CHD7: variants seen among roughly 807,000 people sequenced by gnomAD.
CHD7 encodes chromodomain helicase DNA binding protein 7, also known as ATP-dependent chromatin remodeler CHD7.
CHD7 carries 24 observed loss-of-function variants against 307.3 expected under a neutral mutation model. The observed-to-expected ratio is 0.08, with a 90% CI of 0.06 to 0.11. The LOEUF (loss-of-function observed/expected upper bound fraction) is 0.11. Ranked by LOEUF, CHD7 falls within the 10% of genes least tolerant of loss-of-function variation. The probability of loss-of-function intolerance (pLI) is 1.00; values close to 1 mark genes in which losing one functional copy is unlikely to be tolerated. For synonymous variants in CHD7, 1,363 were observed against 1,349.9 expected, an observed-to-expected ratio of 1.01 and a Z score of -0.21; for missense variants, 3,106 against 3,727.1, an observed-to-expected ratio of 0.83 and a Z score of 4.34.
intron 1 of CHD7, among the ~76,000 whole-genome samples, chr8:60,720,600 C>G (rs547418485): frequency 6.6e-6 from 1 of 152,236 alleles, no homozygotes; most frequent in Non-Finnish European, 1.5e-5. Flanking sequence ...TGATCGCCTT[C>G]TGTGACTGAA....
At chr8:60,719,144 C>A (rs1215856974) in intron 1 of CHD7, among the ~76,000 whole-genome samples, 2 of 152,208 alleles carry the variant, frequency 1.3e-5, no homozygotes, top group African/African-American at 4.8e-5. Context: ...TACAGGTAGC[C>A]TCTTGCCTTC....
intron 35 of CHD7, 30 bp from the exon 36 acceptor site, chr8:60,862,166 A>G (rs368909910): frequency 1.9e-5 from 30 of 1,574,160 alleles, no homozygotes; most frequent in South Asian, 3.5e-5. Flanking sequence ...CTAAATACCA[A>G]TTTTACTAAA....
chr8:60,749,567 A>G (rs1809525882), intron 2 of CHD7, among the ~76,000 whole-genome samples: 1 of 151,042 alleles, frequency 6.6e-6, no homozygotes, highest in African/African-American at 2.4e-5. Context: ...CTCACTTCTA[A>G]AGACATCTGG....
At chr8:60,838,767 C>T (rs1804846472) in intron 19 of CHD7, among the ~76,000 whole-genome samples, 1 of 152,224 alleles carries the variant, frequency 6.6e-6, no homozygotes, top group Non-Finnish European at 1.5e-5. Context: ...CCAGCTTGCA[C>T]CTGTTCCCTG....
chr8:60,690,674 T>C (rs997807426), intron 1 of CHD7, among the ~76,000 whole-genome samples: 4 of 152,222 alleles, frequency 2.6e-5, no homozygotes, highest in Non-Finnish European at 4.4e-5. Flanking sequence ...TTCCCCACAC[T>C]GTGGAGCACA....
In CHD7 at chr8:60,865,648, C is replaced by G; in HGVS notation, c.8709C>G (p.Phe2903Leu). ...FLLSTMAPGL[F>L]YPSMFLPPGL... ...TGTCCACAATGGCCCCGGGCCTCTT[C>G]TACCCATCCATGTTTCTACCTCCAG... The change falls in exon 38 of 38, where the codon TTC becomes TTG. Residue 2903 changes from phenylalanine (F) to leucine (L), a missense_variant. Around this residue, in one of 10 missense-constraint regions of CHD7, gnomAD observed 351 missense variants for 366.2 expected, o/e 0.96. Transcript: ENST00000423902. The surrounding 1 kb of genome is among the most constrained non-coding windows in gnomAD (Gnocchi z 4.3). 1.2e-6 allele frequency: 2 copies of G among 1,610,052 alleles called. No individual in the cohort carries two copies. The highest frequency in any genetic ancestry group is 8.5e-7 in the Non-Finnish European group (1 of 1,176,984).
Position 60,845,287 on chromosome 8 carries a change from G to A in CHD7, c.5088G>A (p.Lys1696=). The A allele has an allele frequency of 6.2e-7, 1 of 1,613,612 alleles. No individual in the cohort carries two copies. The highest frequency in any genetic ancestry group is 1.1e-5 in the South Asian group (1 of 91,070). ...SAPVPRGRKG[K]KVKAQSTQPV... ...CTGTGCCAAGGGGAAGGAAGGGAAA[G>A]AAGGTGAAAGCCCAGAGCACACAGC... The change falls in exon 23 of 38, where the codon AAG becomes AAA. Residue 1696 remains lysine (K), a synonymous_variant. Transcript: ENST00000423902.
chr8:60,760,118 G>A (rs1373172619), intron 2 of CHD7, among the ~76,000 whole-genome samples: 1 of 152,160 alleles, frequency 6.6e-6, no homozygotes, highest in Non-Finnish European at 1.5e-5. Flanking sequence ...GAGGTTTTCA[G>A]CTTTGGAAAT....
intron 4 of CHD7, 83 bp downstream of exon 4, chr8:60,795,210 C>A: frequency 7.7e-7 from 1 of 1,296,968 alleles, no homozygotes; most frequent in South Asian, 1.4e-5. Context: ...AAGACCTCCC[C>A]TATCTTGTTA....
intron 1 of CHD7, among the ~76,000 whole-genome samples, chr8:60,686,348 TAAAAA>T (rs10555815): frequency 0.65 from 97,465 of 148,858 alleles, 33,727 homozygotes; most frequent in East Asian, 0.93. Flanking sequence ...CAGTTTTTCT[TAAAAA>T]AAAAAAAAAA....
chr8:60,849,493 A>C (rs909033144), intron 25 of CHD7, among the ~76,000 whole-genome samples: 3 of 152,140 alleles, frequency 2.0e-5, no homozygotes, highest in African/African-American at 7.2e-5. Context: ...ACCAGTGTCA[A>C]AGTGGACGGT....
At chr8:60,767,000 G>A (rs770036808) in intron 2 of CHD7, among the ~76,000 whole-genome samples, 26 of 152,220 alleles carry the variant, frequency 1.7e-4, no homozygotes, top group Admixed American at 3.3e-4. Flanking sequence ...ATTATAGGTC[G>A]AGAAGTTGAC....
intron 34 of CHD7, 77 bp downstream of exon 34, chr8:60,856,965 CTG>C (rs1805748094): frequency 9.2e-6 from 12 of 1,299,154 alleles, no homozygotes; most frequent in African/African-American, 1.5e-5. Flanking sequence ...CGATGCTGGG[CTG>C]TGTTTCTCTC....
At chr8:60,720,008 A>G (rs137942973) in intron 1 of CHD7, among the ~76,000 whole-genome samples, 1 of 152,236 alleles carries the variant, frequency 6.6e-6, no homozygotes, top group Admixed American at 6.5e-5. Context: ...ATTCAGGTAC[A>G]TTAATTAATC....
Position 60,856,726 on chromosome 8 carries a change from G to A in CHD7, c.7446G>A (p.Met2482Ile), listed in dbSNP as rs757364159. ...TGTCTGATGCCTTTAAGACTCAAATGGAACTGCTCCAAGCAGGCCTTTCGC... is the reference window on the plus strand; with the variant it reads ...TGTCTGATGCCTTTAAGACTCAAATAGAACTGCTCCAAGCAGGCCTTTCGC... ...TPVSDAFKTQ[M>I]ELLQAGLSRT... The change falls in exon 34 of 38, where the codon ATG (methionine) becomes ATA (isoleucine). Residue 2482 changes from methionine to isoleucine, a missense_variant. Met to Ile is a conservative substitution (Grantham distance 10, BLOSUM62 1). Coordinates refer to ENST00000423902, the MANE Select transcript of CHD7 (RefSeq NM_017780.4). 2 of 1,614,010 alleles carry A rather than the reference G, an allele frequency of 1.2e-6. No individual in the cohort carries two copies. The highest frequency in any genetic ancestry group is 4.5e-5 in the East Asian group (2 of 44,886).
At chr8:60,687,289 G>A (rs1805950582) in intron 1 of CHD7, among the ~76,000 whole-genome samples, 1 of 124,102 alleles carries the variant, frequency 8.1e-6, no homozygotes, top group Non-Finnish European at 1.7e-5. Context: ...ATCAGTTTGA[G>A]CACAGGAATA....
intron 1 of CHD7, among the ~76,000 whole-genome samples, chr8:60,680,403 G>T (rs1285701457): frequency 1.5e-5 from 2 of 130,006 alleles, no homozygotes; most frequent in Admixed American, 7.3e-5. Context: ...GGTCGCGGGG[G>T]GGGGGGGCGG....
chr8:60,836,809 T>TC lies in CHD7; in HGVS notation c.3990-8_3990-7insC, dbSNP rs750305654. 6.2e-7 allele frequency: 1 copy of TC among 1,612,490 alleles called. No individual in the cohort carries two copies. Among genetic ancestry groups the TC allele is most frequent in the Non-Finnish European group, 8.5e-7 (1 of 1,178,910 alleles). ...TCAGGCCTCCTTGTTCACACTGATGTTTTCTAGGTACCCATATGAAAGGAT... is the reference window on the plus strand; with the variant it reads ...TCAGGCCTCCTTGTTCACACTGATGTCTTTCTAGGTACCCATATGAAAGGAT... On this transcript the variant is annotated splice_polypyrimidine_tract_variant and splice_region_variant and intron_variant, in intron 16 of 37. Coordinates refer to ENST00000423902, the MANE Select transcript of CHD7 (RefSeq NM_017780.4).
chr8:60,833,699 C>T (rs952478501), intron 15 of CHD7, among the ~76,000 whole-genome samples: 2 of 152,182 alleles, frequency 1.3e-5, no homozygotes, highest in African/African-American at 4.8e-5. Flanking sequence ...AGTGTAGTGC[C>T]AGCCATACAT....
Sources: allele counts gnomAD v4.1 joint callset (sites outside exome capture counted in the v4.1 genomes callset), GRCh38; gene constraint gnomAD v4.1.1; regional missense constraint gnomAD v4.1.1; non-coding constraint Gnocchi (gnomAD v3.1); transcripts MANE v1.5; gene names NCBI Gene and HGNC (gene_info 2026-07-23, HGNC 2026-07-21).